ANK3: variants seen among roughly 807,000 people sequenced by gnomAD.
ANK3 encodes ankyrin-3.
ANK3 carries 57 observed loss-of-function variants against 370.9 expected under a neutral mutation model. The observed-to-expected ratio is 0.15, with a 90% CI of 0.12 to 0.19. The LOEUF is 0.19. ANK3 is among the 10% of genes least tolerant of loss of function. The pLI is 1.00. For missense variants in ANK3, 4,439 were observed against 5,302.1 expected, an observed-to-expected ratio of 0.84 and a Z score of 5.06; for synonymous variants, 1,929 against 1,946.3, an observed-to-expected ratio of 0.99 and a Z score of 0.23.
At chr10:60,226,552 ATAGTATATATACATAGTATAT>A (rs2097160719) in intron 8 of ANK3, among the ~76,000 whole-genome samples, 5 of 15,552 alleles carry the variant, frequency 3.2e-4, no homozygotes, top group Non-Finnish European at 4.7e-4. Context: ...TATATATACT[ATAGTATATATACATAGTATAT>A]GTATATATAC....
intron 4 of ANK3, among the ~76,000 whole-genome samples, chr10:60,272,886 T>C (rs976300027): frequency 2.0e-5 from 3 of 152,040 alleles, no homozygotes; most frequent in Non-Finnish European, 4.4e-5. Flanking sequence ...GGGGTGGAGG[T>C]CTGCTGTGGC....
chr10:60,468,332 G>A (rs552395130), intron 2 of ANK3, among the ~76,000 whole-genome samples: 1 of 152,218 alleles, frequency 6.6e-6, no homozygotes, highest in South Asian at 2.1e-4. Flanking sequence ...TGCTTGAAGT[G>A]TGTATTGTCT....
At chr10:60,641,232 TC>T (rs1407875211) in intron 1 of ANK3, among the ~76,000 whole-genome samples, 1 of 147,912 alleles carries the variant, frequency 6.8e-6, no homozygotes. Flanking sequence ...TTCAATGCCA[TC>T]CCCATCAAGC....
At chr10:60,371,733 T>A (rs1033106624) in intron 1 of ANK3, among the ~76,000 whole-genome samples, 1 of 152,232 alleles carries the variant, frequency 6.6e-6, no homozygotes, top group Non-Finnish European at 1.5e-5. Flanking sequence ...CTGAACTATA[T>A]GAAAATCAGC....
At chr10:60,449,587 A>G (rs901277148) in intron 2 of ANK3, among the ~76,000 whole-genome samples, 17 of 152,188 alleles carry the variant, frequency 1.1e-4, no homozygotes, top group African/African-American at 3.6e-4. Context: ...CCTGGGGTCC[A>G]CCTATTAGCT....
chr10:60,474,319 C>T (rs1242636181), intron 2 of ANK3, among the ~76,000 whole-genome samples: 20 of 152,084 alleles, frequency 1.3e-4, no homozygotes. Flanking sequence ...GACAGTGCTT[C>T]CACGCACAGG....
At chr10:60,203,868 CAA>C (rs761037696) in intron 11 of ANK3, among the ~76,000 whole-genome samples, 29 of 152,128 alleles carry the variant, frequency 1.9e-4, no homozygotes, top group Admixed American at 4.6e-4. Context: ...ATAAAAATCT[CAA>C]GTCATTAATA....
chr10:60,475,148 A>C (rs2075028501), intron 2 of ANK3, among the ~76,000 whole-genome samples: 1 of 152,192 alleles, frequency 6.6e-6, no homozygotes, highest in Admixed American at 6.5e-5. Context: ...GGAAGGACTA[A>C]CACACATATG....
chr10:60,186,705 AG>A lies in ANK3; in HGVS notation c.2085+9del. The A allele has an allele frequency of 6.2e-7, 1 of 1,613,726 alleles. No homozygotes were observed. On this transcript the variant is annotated intron_variant, in intron 17 of 43. Transcript: ENST00000280772. ...GTGCTGCATGCTTTGTCAAGAAAGA[AG>A]TGGGTTACCTTATTGCTCAGGTTCA...
At chr10:60,732,890 G>A (rs1310504344) in intron 1 of ANK3, among the ~76,000 whole-genome samples, 2 of 151,934 alleles carry the variant, frequency 1.3e-5, no homozygotes, top group African/African-American at 4.8e-5. Flanking sequence ...CAAGAGCAGA[G>A]AAGCCCCAAG....
intron 1 of ANK3, among the ~76,000 whole-genome samples, chr10:60,641,888 A>C (rs2133351770): frequency 6.6e-6 from 1 of 151,238 alleles, no homozygotes; most frequent in African/African-American, 2.4e-5. Flanking sequence ...CTCATCTGAC[A>C]AAGGGCTAAT....
upstream of ANK3, among the ~76,000 whole-genome samples, chr10:60,393,006 G>C (rs1404329993): frequency 3.3e-5 from 5 of 151,848 alleles, no homozygotes; most frequent in Non-Finnish European, 4.4e-5. Flanking sequence ...CCTTTCTCAA[G>C]AAAAAAAGAA....
intron 25 of ANK3, among the ~76,000 whole-genome samples, chr10:60,131,862 T>A (rs548182685): frequency 9.8e-4 from 150 of 152,312 alleles, no homozygotes; most frequent in African/African-American, 3.5e-3. Context: ...CCTTGACCCA[T>A]AGCAAGTTAA....
At chr10:60,340,924 G>A (rs1158610625) in intron 1 of ANK3, among the ~76,000 whole-genome samples, 1 of 152,054 alleles carries the variant, frequency 6.6e-6, no homozygotes, top group East Asian at 1.9e-4. Context: ...GAAAACAGAG[G>A]CTTAAGGAGA....
chr10:60,366,552 G>A lies in ANK3; in HGVS notation c.114+22873C>T, dbSNP rs1274995270. 2.0e-5 allele frequency among the ~76,000 whole-genome samples: 3 copies of A among 151,646 alleles called. No individual in the cohort carries two copies. In the East Asian group the frequency reaches 5.8e-4, roughly 29 times the overall value. ...TGAAATGGTTATTCTAGCAGAATAA[G>A]AGGAGATACTAGACTTTTCCTGTTT... On this transcript the variant is annotated intron_variant, in intron 1 of 43. Transcript: ENST00000280772.
Position 60,292,713 on chromosome 10 carries a change from C to CTTTT in ANK3, c.115-13078_115-13075dup, listed in dbSNP as rs55791354. ...GCCACTGGGGTCCTAGACTTTCTTT[C>CTTTT]TTTTTTTTTTTTTTTGACGGAGTCT... On this transcript the variant is annotated intron_variant, in intron 1 of 43. Transcript: ENST00000280772. Among the ~76,000 whole-genome samples the CTTTT allele has an allele frequency of 2.4e-3, 337 of 138,952 alleles. 3 individuals are homozygous for CTTTT. Among genetic ancestry groups the CTTTT allele is most frequent in the Middle Eastern group, 0.022 (6 of 272 alleles). 91.2% of individuals were successfully genotyped at this position (138,952 alleles called of 152,430 possible).
chr10:60,602,782 C>A (rs1399106033), intron 2 of ANK3, among the ~76,000 whole-genome samples: 1 of 152,008 alleles, frequency 6.6e-6, no homozygotes, highest in African/African-American at 2.4e-5. Context: ...CCTGATATGA[C>A]CTAAATCATC....
In ANK3 at chr10:60,086,767, T is replaced by C. The variant is rs367603857; in HGVS notation, c.3658A>G (p.Ile1220Val). Residue 1220 changes from isoleucine (I) to valine (V), a missense_variant, in exon 30 of 44, where the codon ATT (isoleucine) becomes GTT (valine). By Grantham distance (29) the Ile-to-Val change is conservative (BLOSUM62 3). Coordinates refer to ENST00000280772, the MANE Select transcript of ANK3 (RefSeq NM_020987.5). The part of the protein sequence containing the change: ...RKFHKPITMT[I>V]PVPPPSGEGV... ...TCTCCTGAGGGCGGGGGCACCGGAA[T>C]GGTCATTGTGATTGGTTTATGGAAT... is the stretch of plus-strand genomic sequence containing the variant. 16 of 1,613,944 alleles carry C rather than the reference T, an allele frequency of 9.9e-6. No homozygotes were observed. In the South Asian group the frequency reaches 1.2e-4, roughly 12 times the overall value.
At chr10:60,657,113 T>C (rs2078875352) in intron 1 of ANK3, among the ~76,000 whole-genome samples, 1 of 152,160 alleles carries the variant, frequency 6.6e-6, no homozygotes, top group Non-Finnish European at 1.5e-5. Flanking sequence ...ACATCTTATG[T>C]TGATGGCAGC....
Sources: allele counts gnomAD v4.1 joint callset (sites outside exome capture counted in the v4.1 genomes callset), GRCh38; gene constraint gnomAD v4.1.1; transcripts MANE v1.5; gene names NCBI Gene and HGNC (gene_info 2026-07-23, HGNC 2026-07-21).